The following SPECC1L variants were observed in gnomAD, a reference collection of about 807,000 sequenced individuals.
The protein encoded by SPECC1L is sperm antigen with calponin homology and coiled-coil domains 1 like.
In SPECC1L, 40 loss-of-function variants were observed where a neutral mutation model predicts 116.8. The ratio of observed to expected loss-of-function variants is 0.34; its 90% CI spans 0.27 to 0.45. The LOEUF (loss-of-function observed/expected upper bound fraction) is 0.45, where lower values mean the gene tolerates loss of function less well. Ranked by LOEUF, SPECC1L falls within the 20% of genes least tolerant of loss-of-function variation. The pLI, the probability that SPECC1L is intolerant of heterozygous loss-of-function variation, is 1.00. For missense variants in SPECC1L, 1,110 were observed against 1,373.6 expected (o/e 0.81, Z 3.03); for synonymous variants, 504 against 500.6 (o/e 1.01, Z -0.09).
chr22:24,316,700 C>T (rs988088759), intron 4 of SPECC1L, among the ~76,000 whole-genome samples: 9 of 149,840 alleles, frequency 6.0e-5, no homozygotes, highest in Non-Finnish European at 1.2e-4. Flanking sequence ...ACACGGCAAC[C>T]ATCCGATTTC....
chr22:24,347,785 C>T (rs867870456), intron 11 of SPECC1L, among the ~76,000 whole-genome samples: 15 of 152,136 alleles, frequency 9.9e-5, no homozygotes, highest in African/African-American at 2.9e-4. Context: ...AAGCAATTCT[C>T]CCACCTCAGC....
intron 13 of SPECC1L, among the ~76,000 whole-genome samples, chr22:24,366,647 G>A (rs1456927659): frequency 6.6e-6 from 1 of 152,154 alleles, no homozygotes; most frequent in Non-Finnish European, 1.5e-5. Flanking sequence ...GGTGATTTCA[G>A]TAACAGATCT....
rs756714389 is a variant in SPECC1L, at chr22:24,288,615, C to CTTTTTTTTTTTTTTTTTTTTTTTTTTTTT, written c.-38+11813_-38+11841dup. Among the ~76,000 whole-genome samples the CTTTTTTTTTTTTTTTTTTTTTTTTTTTTT allele has an allele frequency of 3.2e-5, 2 of 61,674 alleles. 1 individual carries two copies. Among genetic ancestry groups the CTTTTTTTTTTTTTTTTTTTTTTTTTTTTT allele is most frequent in the Non-Finnish European group, 5.7e-5 (2 of 35,084 alleles). 40.5% of individuals were successfully genotyped at this position (61,674 alleles called of 152,430 possible). A position where few individuals can be genotyped will look rare whatever the true frequency, so the allele number is the denominator to read the frequency against. ...GACTTCTCAAATCCAAAATTTTAAG[C>CTTTTTTTTTTTTTTTTTTTTTTTTTTTTT]TTTTTTTTTTTTTTTTTTTTTTTTT... On this transcript the variant is annotated intron_variant, in intron 2 of 16. Transcript: ENST00000314328.
At chr22:24,382,704 CAAAAAAAA>C (rs34174849) in intron 14 of SPECC1L, among the ~76,000 whole-genome samples, 2 of 59,650 alleles carry the variant, frequency 3.4e-5, no homozygotes, top group Admixed American at 2.1e-4. Context: ...GACTCCATCT[CAAAAAAAA>C]AAAAAAAAAA....
chr22:24,357,227 A>G (rs905990621), intron 11 of SPECC1L, among the ~76,000 whole-genome samples: 6 of 152,060 alleles, frequency 3.9e-5, no homozygotes, highest in Non-Finnish European at 7.4e-5. Flanking sequence ...ACTTAATATC[A>G]TGTTTTCAAG....
chr22:24,386,272 A>G (rs1481121097), intron 14 of SPECC1L, among the ~76,000 whole-genome samples: 2 of 152,154 alleles, frequency 1.3e-5, no homozygotes. Flanking sequence ...GAGGAAAGAG[A>G]CAAGACCCTG....
At chr22:24,312,564 C>T (rs1242961603) in intron 3 of SPECC1L, among the ~76,000 whole-genome samples, 1 of 152,174 alleles carries the variant, frequency 6.6e-6, no homozygotes, top group African/African-American at 2.4e-5. Flanking sequence ...ATATCTTTAA[C>T]TGCTCTGTGT....
Position 24,401,637 on chromosome 22 carries a change from G to T in SPECC1L, c.3088-9951G>T, listed in dbSNP as rs2042476172. Among the ~76,000 whole-genome samples, 3 of 152,164 alleles carry T rather than the reference G, an allele frequency of 2.0e-5. No individual in the cohort carries two copies. The South Asian group carries it at 6.2e-4, about 32-fold the overall frequency. Reference sequence around the variant, plus strand: ...TTTTCCAGCACTCAGGTTCACGAGTGGTTTCCAAGCCAGGCTGGGTGTGCC... The same window carrying T: ...TTTTCCAGCACTCAGGTTCACGAGTTGTTTCCAAGCCAGGCTGGGTGTGCC... On this transcript the variant is annotated intron_variant, in intron 14 of 16. Coordinates refer to ENST00000314328, the MANE Select transcript of SPECC1L (RefSeq NM_015330.6).
At chr22:24,271,356 CCCATCGCCCGGGTCCCTTG>C (rs1462821349) in intron 1 of SPECC1L, among the ~76,000 whole-genome samples, 7 of 152,240 alleles carry the variant, frequency 4.6e-5, no homozygotes, top group Non-Finnish European at 1.0e-4. Flanking sequence ...GGGCTGCCGC[CCCATCGCCCGGGTCCCTTG>C]CCTGGGGCGG....
chr22:24,302,228 C>T lies in SPECC1L; in HGVS notation c.-4C>T, dbSNP rs754296334. 13 of 1,613,774 alleles carry T rather than the reference C, an allele frequency of 8.1e-6. No homozygotes were observed. In the African/African-American group the frequency reaches 1.7e-4, roughly 22 times the overall value. On this transcript the variant is annotated 5_prime_UTR_variant, in exon 3 of 17. An upstream open reading frame in the 5' UTR gains an earlier in-frame stop. Coordinates refer to ENST00000314328, the MANE Select transcript of SPECC1L (RefSeq NM_015330.6). ...GTAAATGCATCACGAAGAGGCAGCCCAGAATGAAGAAAGCAAGCAGGAGTG... is the reference window on the plus strand; with the variant it reads ...GTAAATGCATCACGAAGAGGCAGCCTAGAATGAAGAAAGCAAGCAGGAGTG...
intron 12 of SPECC1L, among the ~76,000 whole-genome samples, chr22:24,364,661 C>CAAA (rs57580257): frequency 9.5e-6 from 1 of 105,442 alleles, no homozygotes. Context: ...GACTCCCTCT[C>CAAA]AAAAAAAAAA....
At chr22:24,402,961 G>A (rs2042508970) in intron 14 of SPECC1L, among the ~76,000 whole-genome samples, 1 of 152,162 alleles carries the variant, frequency 6.6e-6, no homozygotes, top group Admixed American at 6.6e-5. Flanking sequence ...CAGACAGAAG[G>A]CAGGGTCACA....
At chr22:24,340,259 A>G (rs1397695084) in intron 10 of SPECC1L, among the ~76,000 whole-genome samples, 2 of 139,768 alleles carry the variant, frequency 1.4e-5, no homozygotes, top group Admixed American at 8.1e-5. Flanking sequence ...AGTGATTCTC[A>G]TGCCTCAGCC....
At chr22:24,282,053 C>T (rs534374838) in intron 2 of SPECC1L, among the ~76,000 whole-genome samples, 1 of 152,144 alleles carries the variant, frequency 6.6e-6, no homozygotes, top group Admixed American at 6.6e-5. Context: ...GCTGATTGGT[C>T]AGGGGTGAAA....
At chr22:24,285,687 A>C (rs1402602440) in intron 2 of SPECC1L, among the ~76,000 whole-genome samples, 2 of 151,500 alleles carry the variant, frequency 1.3e-5, no homozygotes, top group African/African-American at 4.9e-5. Flanking sequence ...TCTGTCGCCC[A>C]GGCTGGAGTG....
intron 3 of SPECC1L, chr22:24,304,394 C>G (rs1162743099): frequency 2.6e-5 from 4 of 152,220 alleles, no homozygotes; most frequent in African/African-American, 9.7e-5. Context: ...TCTTTTGATC[C>G]AGGACACTTC....
rs150229958 is a variant in SPECC1L at position 24,322,766 on chromosome 22, A to G, written c.1786A>G (p.Ile596Val). 1.1e-5 allele frequency: 17 copies of G among 1,585,012 alleles called. No individual in the cohort carries two copies. Among genetic ancestry groups the G allele is most frequent in the Admixed American group, 5.4e-5 (3 of 55,760 alleles). The change falls in exon 5 of 17, where the codon ATC becomes GTC. Residue 596 changes from isoleucine to valine, a missense_variant. By Grantham distance (29) the Ile-to-Val change is conservative (BLOSUM62 3). This residue lies in a region of SPECC1L where 575 missense variants were observed against 682.4 expected (regional missense o/e 0.84). Transcript: ENST00000314328. ...GCAGAAAGTGGCAGAGCTGTATTCT[A>G]TCCATAACTCTGGAGACAAATCTGA... ...EKQKVAELYS[I>V]HNSGDKSDIQ... is the part of the protein sequence containing the mutation.
chr22:24,275,406 A>G (rs1315910983), intron 1 of SPECC1L, among the ~76,000 whole-genome samples: 2 of 152,124 alleles, frequency 1.3e-5, no homozygotes, highest in Non-Finnish European at 2.9e-5. Context: ...GTCTGATTCC[A>G]ATTTTATTTC....
At chr22:24,325,320 G>A (rs997577183) in intron 6 of SPECC1L, among the ~76,000 whole-genome samples, 10 of 152,104 alleles carry the variant, frequency 6.6e-5, no homozygotes, top group South Asian at 2.1e-4. Context: ...ACCACAAATC[G>A]TGCTAGATGG....
Sources: gnomAD v4.1 joint callset for allele counts (sites outside exome capture counted in the v4.1 genomes callset) on GRCh38, gnomAD v4.1.1 for gene constraint, gnomAD v4.1.1 regional missense constraint, MANE v1.5 for transcripts, NCBI Gene and HGNC (gene_info 2026-07-23, HGNC 2026-07-21) for gene names.